Variants in WASF1 observed in about 807,000 individuals in gnomAD.
The protein encoded by WASF1 is WASP family member 1, also known as actin-binding protein WASF1.
In WASF1, 7 loss-of-function variants were observed where a neutral mutation model predicts 50.5. The observed-to-expected ratio is 0.14, with a 90% CI of 0.08 to 0.26. The LOEUF is 0.26. Among genes scored for constraint, WASF1 ranks in the 10% least tolerant of loss-of-function variants. The pLI is 1.00. For synonymous variants in WASF1, 205 were observed against 244.0 expected (o/e 0.84, Z 1.49); for missense variants, 470 against 694.7 (o/e 0.68, Z 3.64).
intron 2 of WASF1, among the ~76,000 whole-genome samples, chr6:110,177,740 A>C (rs1401209741): frequency 2.0e-5 from 3 of 152,156 alleles, no homozygotes; most frequent in Non-Finnish European, 4.4e-5. Flanking sequence ...CAATTACTAT[A>C]CCTTAAAACT....
At chr6:110,132,743 A>G (rs961363567) in intron 3 of WASF1, among the ~76,000 whole-genome samples, 1 of 151,764 alleles carries the variant, frequency 6.6e-6, no homozygotes, top group Non-Finnish European at 1.5e-5. Flanking sequence ...ATGCCTTTGC[A>G]TCCTCATAGC....
intron 4 of WASF1, among the ~76,000 whole-genome samples, chr6:110,119,448 G>A (rs1412915151): frequency 6.6e-6 from 1 of 152,086 alleles, no homozygotes; most frequent in African/African-American, 2.4e-5. Context: ...AGCAGAAATG[G>A]ATAAATTCCT....
Position 110,100,347 on chromosome 6 carries a change from T to G in WASF1, c.*175A>C. The stretch of plus-strand genomic sequence containing the variant: ...AAAAAAGATAAGCCACTGTAAAACA[T>G]TTAGTTTGAAATGTATGCTAATATT... On this transcript the variant is annotated 3_prime_UTR_variant, in exon 11 of 11. Coordinates refer to ENST00000392589, the MANE Select transcript of WASF1 (RefSeq NM_003931.3). 1.6e-6 allele frequency: 1 copy of G among 629,710 alleles called. No homozygotes were observed. The highest frequency in any genetic ancestry group is 2.5e-6 in the Non-Finnish European group (1 of 396,548). 39.0% of individuals were successfully genotyped at this position (629,710 alleles called of 1,614,324 possible).
At chr6:110,175,409 T>C (rs1337155833) in intron 2 of WASF1, among the ~76,000 whole-genome samples, 1 of 152,100 alleles carries the variant, frequency 6.6e-6, no homozygotes, top group Non-Finnish European at 1.5e-5. Flanking sequence ...ATCTTGCTTC[T>C]GAGAACAGGC....
At position 110,146,810 on chromosome 6, in the gene WASF1, T is replaced by C. The variant is rs973109630; in HGVS notation, c.-29+13825A>G. Among the ~76,000 whole-genome samples, 8 of 152,234 alleles carry C rather than the reference T, an allele frequency of 5.3e-5. No homozygotes were observed. In the South Asian group the frequency reaches 6.2e-4, roughly 12 times the overall value. On this transcript the variant is annotated intron_variant, in intron 3 of 10. Coordinates refer to ENST00000392589, the MANE Select transcript of WASF1 (RefSeq NM_003931.3). ...CTTGTGTAAAACCACCTCAGGAATA[T>C]ATAGAAATCATAAATTTCCTCTTTG...
intron 4 of WASF1, among the ~76,000 whole-genome samples, chr6:110,116,614 C>T (rs1238737519): frequency 6.6e-6 from 1 of 152,210 alleles, no homozygotes; most frequent in African/African-American, 2.4e-5. Flanking sequence ...GAACAAAAAG[C>T]AGCAGACAGC....
At chr6:110,148,812 T>C (rs1335938460) in intron 3 of WASF1, among the ~76,000 whole-genome samples, 1 of 152,156 alleles carries the variant, frequency 6.6e-6, no homozygotes, top group Non-Finnish European at 1.5e-5. Context: ...GAGACAGAGA[T>C]GGTAGTCACT....
intron 2 of WASF1, among the ~76,000 whole-genome samples, chr6:110,171,961 T>C (rs1776737287): frequency 6.6e-6 from 1 of 151,992 alleles, no homozygotes; most frequent in Admixed American, 6.6e-5. Context: ...ACTAAAGAAA[T>C]GCAAATCAAA....
At chr6:110,123,490 G>A (rs921001567) in intron 4 of WASF1, among the ~76,000 whole-genome samples, 6 of 152,154 alleles carry the variant, frequency 3.9e-5, no homozygotes, top group African/African-American at 1.4e-4. Context: ...AATATTTAAA[G>A]CAATTTAATA....
intron 2 of WASF1, among the ~76,000 whole-genome samples, chr6:110,174,194 A>G (rs1776830506): frequency 6.6e-6 from 1 of 152,078 alleles, no homozygotes; most frequent in African/African-American, 2.4e-5. Flanking sequence ...CCACCTAGCT[A>G]ACTTCCACTA....
intron 3 of WASF1, among the ~76,000 whole-genome samples, chr6:110,144,034 C>T (rs548499348): frequency 6.6e-6 from 1 of 152,240 alleles, no homozygotes; most frequent in East Asian, 1.9e-4. Flanking sequence ...TGAGGAATCA[C>T]CACACCGACT....
At chr6:110,130,067 G>A (rs1485701784) in intron 3 of WASF1, among the ~76,000 whole-genome samples, 1 of 152,226 alleles carries the variant, frequency 6.6e-6, no homozygotes, top group African/African-American at 2.4e-5. Flanking sequence ...CAAATGAGAA[G>A]TTTGGGATAA....
At chr6:110,158,804 T>C (rs1177061099) in intron 3 of WASF1, among the ~76,000 whole-genome samples, 1 of 151,990 alleles carries the variant, frequency 6.6e-6, no homozygotes, top group African/African-American at 2.4e-5. Flanking sequence ...GGATGTCTAC[T>C]TTCTTCCCTA....
intron 5 of WASF1, among the ~76,000 whole-genome samples, chr6:110,110,907 A>G (rs1773524237): frequency 6.6e-6 from 1 of 152,142 alleles, no homozygotes; most frequent in South Asian, 2.1e-4. Context: ...ACAATTTCAA[A>G]TTAAGTAGTT....
intron 3 of WASF1, among the ~76,000 whole-genome samples, chr6:110,147,670 C>G (rs1018720858): frequency 6.6e-6 from 1 of 152,084 alleles, no homozygotes; most frequent in Admixed American, 6.5e-5. Context: ...TATGTACTTC[C>G]TTTAAATTAA....
At chr6:110,159,208 G>A (rs1397946426) in intron 3 of WASF1, among the ~76,000 whole-genome samples, 2 of 151,886 alleles carry the variant, frequency 1.3e-5, no homozygotes, top group Admixed American at 1.3e-4. Flanking sequence ...AAATTCGGTA[G>A]ATGCAAGCAC....
At chr6:110,116,498 T>C (rs1453338371) in intron 4 of WASF1, among the ~76,000 whole-genome samples, 1 of 152,198 alleles carries the variant, frequency 6.6e-6, no homozygotes, top group Non-Finnish European at 1.5e-5. Context: ...CCACCATTGC[T>C]GAGGCTTGAG....
chr6:110,111,678 A>G (rs1182289249), intron 5 of WASF1, among the ~76,000 whole-genome samples: 1 of 152,188 alleles, frequency 6.6e-6, no homozygotes, highest in East Asian at 1.9e-4. Context: ...TGTACTATTC[A>G]TTCATATGAA....
intron 2 of WASF1, among the ~76,000 whole-genome samples, chr6:110,169,384 T>G (rs1015317642): frequency 5.3e-5 from 8 of 152,162 alleles, no homozygotes; most frequent in Non-Finnish European, 4.4e-5. Flanking sequence ...CTATTTCTAG[T>G]AACAGCACCA....
Sources: gnomAD v4.1 joint callset for allele counts (sites outside exome capture counted in the v4.1 genomes callset) on GRCh38, gnomAD v4.1.1 for gene constraint, MANE v1.5 for transcripts, NCBI Gene and HGNC (gene_info 2026-07-23, HGNC 2026-07-21) for gene names.